Variants in ERCC6L2 observed in about 807,000 individuals in gnomAD.
The protein encoded by ERCC6L2 is ERCC excision repair 6 like 2.
In ERCC6L2, 77 loss-of-function variants were observed where a neutral mutation model predicts 132.0. That is an observed-to-expected ratio of 0.58 (90% confidence interval 0.49 to 0.71). The LOEUF (loss-of-function observed/expected upper bound fraction) is 0.71, where lower values mean the gene tolerates loss of function less well. Among genes scored for constraint, ERCC6L2 ranks in the 30% least tolerant of loss-of-function variants. The pLI is 0.00. For missense variants in ERCC6L2, 1,542 were observed against 1,837.6 expected, an observed-to-expected ratio of 0.84 and a Z score of 2.94; for synonymous variants, 583 against 632.4, an observed-to-expected ratio of 0.92 and a Z score of 1.17.
In ERCC6L2 at chr9:95,876,008, G is replaced by T; in HGVS notation, c.-31G>T. Reference sequence around the variant, plus strand: ...CTCCGCCGCCTTCCGGGTGTTACATGCAGCCGGGCTCGGCCCCTCCCCCTG... The same window carrying T: ...CTCCGCCGCCTTCCGGGTGTTACATTCAGCCGGGCTCGGCCCCTCCCCCTG... On this transcript the variant is annotated 5_prime_UTR_variant, in exon 1 of 19. It removes an upstream start codon present in the reference 5' UTR. Transcript: ENST00000653738. 1 of 1,573,740 alleles carries T rather than the reference G, an allele frequency of 6.4e-7. No individual in the cohort carries two copies.
intron 2 of ERCC6L2, among the ~76,000 whole-genome samples, chr9:95,888,496 A>G (rs1827993820): frequency 2.0e-5 from 3 of 152,218 alleles, no homozygotes; most frequent in African/African-American, 7.2e-5. Flanking sequence ...ACTATTCCAC[A>G]ATAAAACATG....
intron 19 of ERCC6L2, among the ~76,000 whole-genome samples, chr9:96,033,574 G>A (rs1588069868): frequency 6.6e-6 from 1 of 152,292 alleles, no homozygotes; most frequent in East Asian, 1.9e-4. Flanking sequence ...TCTACATTGA[G>A]TCTATGTATA....
rs1301774029 is a variant in ERCC6L2 at position 95,983,903 on chromosome 9, T to G, written c.3492+5688T>G. The stretch of plus-strand genomic sequence containing the variant: ...GGTCTTTGACCCTTTCGTGTTTTCT[T>G]GTGCTTTTCCCTCAATTCCTTTGGT... On this transcript the variant is annotated intron_variant, in intron 17 of 18. Coordinates refer to ENST00000653738, the MANE Select transcript of ERCC6L2 (RefSeq NM_020207.7). Among the ~76,000 whole-genome samples, 7 of 152,192 alleles carry G rather than the reference T, an allele frequency of 4.6e-5. No homozygotes were observed. In the East Asian group the frequency reaches 1.3e-3, roughly 29 times the overall value.
At chr9:95,912,830 T>G (rs898440069) in intron 4 of ERCC6L2, among the ~76,000 whole-genome samples, 2 of 152,228 alleles carry the variant, frequency 1.3e-5, no homozygotes, top group Non-Finnish European at 2.9e-5. Context: ...TTTGTCTGAT[T>G]ACTTTCTCAA....
chr9:95,948,023 G>A (rs1831145193), intron 12 of ERCC6L2, among the ~76,000 whole-genome samples: 1 of 152,178 alleles, frequency 6.6e-6, no homozygotes, highest in South Asian at 2.1e-4. Context: ...GGATCAAGTT[G>A]TACTTTTGAC....
chr9:95,929,772 T>A (rs999449659), intron 11 of ERCC6L2, among the ~76,000 whole-genome samples: 2 of 152,204 alleles, frequency 1.3e-5, no homozygotes, highest in Non-Finnish European at 2.9e-5. Context: ...CTAAATGACA[T>A]AGAATACTGT....
At chr9:95,932,966 A>T (rs927353415) in intron 11 of ERCC6L2, among the ~76,000 whole-genome samples, 3 of 152,196 alleles carry the variant, frequency 2.0e-5, no homozygotes, top group Non-Finnish European at 4.4e-5. Flanking sequence ...GAGTTGTATT[A>T]TCATCAAAGG....
chr9:95,922,225 TGTAA>T (rs1472831640), intron 7 of ERCC6L2, 76 bp from the exon 8 acceptor site: 3 of 633,778 alleles, frequency 4.7e-6, no homozygotes, highest in Non-Finnish European at 8.2e-6. Context: ...TAAATGTTAT[TGTAA>T]GTGATACATT....
chr9:95,933,375 A>G (rs757931608), intron 11 of ERCC6L2, among the ~76,000 whole-genome samples: 1 of 152,126 alleles, frequency 6.6e-6, no homozygotes, highest in Non-Finnish European at 1.5e-5. Context: ...TCTTCATGGT[A>G]TGTCTAATAA....
chr9:95,884,014 C>T (rs1254094609), intron 2 of ERCC6L2, among the ~76,000 whole-genome samples: 1 of 152,140 alleles, frequency 6.6e-6, no homozygotes, highest in Non-Finnish European at 1.5e-5. Context: ...GCCCATGTTA[C>T]AAAGAAATTT....
At position 95,928,774 on chromosome 9, in the gene ERCC6L2, T is replaced by C. The variant is rs759074169; in HGVS notation, c.1661T>C (p.Leu554Pro). The change falls in exon 11 of 19, where the codon CTT becomes CCT. Residue 554 changes from leucine to proline, a missense_variant. By Grantham distance (98) the Leu-to-Pro change is moderately conservative. Around this residue, in one of 4 missense-constraint regions of ERCC6L2, gnomAD observed 945 missense variants for 1,105.2 expected, o/e 0.86. Coordinates refer to ENST00000653738, the MANE Select transcript of ERCC6L2 (RefSeq NM_020207.7). ...GCGTCTGGGCTTGATTACCGACGAC[T>C]TGATGGAAGTACAAAATCAGAGGAA... ...CMASGLDYRR[L>P]DGSTKSEERL... The C allele has an allele frequency of 2.5e-6, 4 of 1,613,478 alleles. No homozygotes were observed. In the Admixed American group the frequency reaches 6.7e-5, roughly 27 times the overall value.
At position 95,978,045 on chromosome 9, in the gene ERCC6L2, A is replaced by G. The variant is rs1832742613; in HGVS notation, c.3338-16A>G. 7.4e-7 allele frequency: 1 copy of G among 1,356,278 alleles called. No individual in the cohort carries two copies. 84.0% of individuals were successfully genotyped at this position (1,356,278 alleles called of 1,614,324 possible). A position where few individuals can be genotyped will look rare whatever the true frequency, so the allele number is the denominator to read the frequency against. ...TATACTGATACATCACTTAATAAAC[A>G]TAAATTACCTCCTAGATGGCGTTCA... is the stretch of plus-strand genomic sequence containing the variant. On this transcript the variant is annotated splice_polypyrimidine_tract_variant and intron_variant, in intron 16 of 18. Coordinates refer to ENST00000653738, the MANE Select transcript of ERCC6L2 (RefSeq NM_020207.7).
rs780544626 is a variant in ERCC6L2, at chr9:96,036,769, A to ATT, written c.*1504-2105_*1504-2104dup. 5.2e-4 allele frequency among the ~76,000 whole-genome samples: 62 copies of ATT among 119,954 alleles called. 1 individual carries two copies. Among genetic ancestry groups the ATT allele is most frequent in the African/African-American group, 1.8e-3 (57 of 31,410 alleles). The allele number at this position is 119,954 out of a possible 152,430, so 78.7% of individuals were successfully genotyped here. On this transcript the variant is annotated intron_variant and NMD_transcript_variant, in intron 19 of 20. Coordinates refer to the ERCC6L2 transcript ENST00000670016. ...TATTATTATTATTATTATTATTTTT[A>ATT]TTTATTTTTTTTTTTGAGACGGAGT...
At chr9:95,914,820 A>G (rs1391588992) in intron 4 of ERCC6L2, among the ~76,000 whole-genome samples, 1 of 152,102 alleles carries the variant, frequency 6.6e-6, no homozygotes, top group Non-Finnish European at 1.5e-5. Flanking sequence ...ATTGACTATA[A>G]GTTTTGTGTC....
At chr9:95,948,788 T>G (rs1831185226) in intron 12 of ERCC6L2, among the ~76,000 whole-genome samples, 1 of 113,942 alleles carries the variant, frequency 8.8e-6, no homozygotes, top group Non-Finnish European at 1.8e-5. Context: ...CCACAAGACA[T>G]TAGAAAAAAA....
At chr9:96,040,285 C>T (rs1463478125) in intron 20 of ERCC6L2, among the ~76,000 whole-genome samples, 2 of 152,118 alleles carry the variant, frequency 1.3e-5, no homozygotes, top group African/African-American at 4.8e-5. Flanking sequence ...TCCCTGGGCA[C>T]GACTCTCCCA....
chr9:96,011,611 A>C (rs1834028027), intron 18 of ERCC6L2, among the ~76,000 whole-genome samples: 2 of 152,226 alleles, frequency 1.3e-5, no homozygotes, highest in South Asian at 4.1e-4. Context: ...CTAAGAATAC[A>C]ACACATTTCT....
At chr9:95,917,163 T>C (rs1829638892) in intron 6 of ERCC6L2, among the ~76,000 whole-genome samples, 1 of 152,218 alleles carries the variant, frequency 6.6e-6, no homozygotes, top group Admixed American at 6.5e-5. Flanking sequence ...TTAAAAAATA[T>C]ATAGGTTTGT....
intron 12 of ERCC6L2, 26 bp downstream of exon 12, chr9:95,941,575 G>T: frequency 6.8e-7 from 1 of 1,471,912 alleles, no homozygotes. Flanking sequence ...AATTTAAAGT[G>T]ATCTGCAAAT....
Sources: allele counts gnomAD v4.1 joint callset (sites outside exome capture counted in the v4.1 genomes callset), GRCh38; gene constraint gnomAD v4.1.1; regional missense constraint gnomAD v4.1.1; transcripts MANE v1.5; gene names NCBI Gene and HGNC (gene_info 2026-07-23, HGNC 2026-07-21).